Variants in ZNF385D observed in about 807,000 individuals in gnomAD.
The protein encoded by ZNF385D is zinc finger protein 385D.
Under a neutral mutation model 35.8 loss-of-function variants are expected in ZNF385D, and 15 were observed. That is an observed-to-expected ratio of 0.42 (90% confidence interval 0.28 to 0.64). The LOEUF (loss-of-function observed/expected upper bound fraction) is 0.64. Ranked by LOEUF, ZNF385D falls within the 30% of genes least tolerant of loss-of-function variation. The pLI, the probability that ZNF385D is intolerant of heterozygous loss-of-function variation, is 0.23. For synonymous variants in ZNF385D, 212 were observed against 186.8 expected, an observed-to-expected ratio of 1.13 and a Z score of -1.10; for missense variants, 474 against 494.6, an observed-to-expected ratio of 0.96 and a Z score of 0.39.
chr3:22,050,125 G>A (rs1699253737), intron 3 of ZNF385D, among the ~76,000 whole-genome samples: 1 of 151,976 alleles, frequency 6.6e-6, no homozygotes, highest in Admixed American at 6.6e-5. Flanking sequence ...CAACAATTTG[G>A]GAGACCAACG....
At chr3:21,636,779 A>G (rs2065463784) in intron 2 of ZNF385D, among the ~76,000 whole-genome samples, 1 of 151,918 alleles carries the variant, frequency 6.6e-6, no homozygotes, top group South Asian at 2.1e-4. Flanking sequence ...AATCCAATCA[A>G]GTTGACACTC....
Position 21,425,642 on chromosome 3 carries a change from G to T in ZNF385D, c.702C>A (p.Ala234=), listed in dbSNP as rs750610082. ...SGTKHKTMLE[A]RNGSGTIKAF... ...CTTTGATAGTGCCACTTCCATTCCG[G>T]GCTTCTAACATGGTTTTGTGCTTAG... Residue 234 remains alanine, a synonymous_variant, in exon 6 of 8, where the codon GCC becomes GCA. Coordinates refer to ENST00000281523, the MANE Select transcript of ZNF385D (RefSeq NM_024697.3). 1.9e-6 allele frequency: 3 copies of T among 1,594,986 alleles called. No homozygotes were observed. The African/African-American group carries it at 4.1e-5, about 22-fold the overall frequency.
chr3:22,056,701 C>T (rs1297107921), intron 3 of ZNF385D, among the ~76,000 whole-genome samples: 2 of 152,166 alleles, frequency 1.3e-5, no homozygotes, highest in Non-Finnish European at 2.9e-5. Context: ...TGCTGTGTAA[C>T]AATCCACAGA....
At chr3:22,281,237 T>A (rs909553999) in intron 2 of ZNF385D, among the ~76,000 whole-genome samples, 1 of 152,102 alleles carries the variant, frequency 6.6e-6, no homozygotes, top group Admixed American at 6.6e-5. Flanking sequence ...TTCTTTCTCT[T>A]GTCTGACTGC....
At chr3:21,751,303 A>C, upstream of ZNF385D, 1 of 1,074,524 alleles carries the variant, frequency 9.3e-7, no homozygotes, top group African/African-American at 1.7e-5. Flanking sequence ...GCCTGGACCA[A>C]CCATGGCTCT....
chr3:22,292,842 G>C lies in ZNF385D; in HGVS notation c.106+79608C>G, dbSNP rs548043647. ...GCAAAATTCTATAGTGACAGAAAAA[G>C]AGAGAGAGAATTTTAAGCAGCAGCT... is the stretch of plus-strand genomic sequence containing the variant. On this transcript the variant is annotated intron_variant, in intron 2 of 5. Transcript: ENST00000494108. Among the ~76,000 whole-genome samples, 93 of 152,198 alleles carry C rather than the reference G, an allele frequency of 6.1e-4. 1 individual carries two copies. Among genetic ancestry groups the C allele is most frequent in the African/African-American group, 2.2e-3 (91 of 41,544 alleles).
At chr3:21,826,278 G>A (rs1055021416) in intron 3 of ZNF385D, among the ~76,000 whole-genome samples, 1 of 152,192 alleles carries the variant, frequency 6.6e-6, no homozygotes, top group Non-Finnish European at 1.5e-5. Context: ...ACGTAGGAGA[G>A]AACAACGTTT....
At chr3:21,613,452 T>C (rs765644187) in intron 2 of ZNF385D, among the ~76,000 whole-genome samples, 1 of 151,502 alleles carries the variant, frequency 6.6e-6, no homozygotes, top group Non-Finnish European at 1.5e-5. Context: ...GGGTCCTCCC[T>C]GGGTTTTTAG....
rs905643256 is a variant in ZNF385D, at chr3:21,711,416, A to G, written c.22+39479T>C. On this transcript the variant is annotated intron_variant, in intron 1 of 7. Coordinates refer to ENST00000281523, the MANE Select transcript of ZNF385D (RefSeq NM_024697.3). ...TTTCAAAATTTCTAATATTCTATTA[A>G]TAAGTTTGTAAAGATTGGAGAAATC... is the stretch of plus-strand genomic sequence containing the variant. Among the ~76,000 whole-genome samples, 7 of 152,224 alleles carry G rather than the reference A, an allele frequency of 4.6e-5. 1 individual carries two copies. In the South Asian group the frequency reaches 8.3e-4, roughly 18 times the overall value.
chr3:22,126,781 T>C (rs1437666470), intron 3 of ZNF385D, among the ~76,000 whole-genome samples: 1 of 152,168 alleles, frequency 6.6e-6, no homozygotes, highest in Non-Finnish European at 1.5e-5. Context: ...AAGTGGAATG[T>C]TGAAGTTTCC....
At chr3:22,083,142 G>A (rs1700844319) in intron 3 of ZNF385D, among the ~76,000 whole-genome samples, 1 of 152,072 alleles carries the variant, frequency 6.6e-6, no homozygotes, top group Non-Finnish European at 1.5e-5. Context: ...CAGAAAATCT[G>A]AAAATTCTAA....
intron 3 of ZNF385D, among the ~76,000 whole-genome samples, chr3:21,865,567 A>T (rs1272223161): frequency 6.6e-6 from 1 of 152,128 alleles, no homozygotes; most frequent in African/African-American, 2.4e-5. Context: ...GAATATTACA[A>T]AATAAATTTC....
intron 1 of ZNF385D, 107 bp downstream of exon 1, chr3:21,750,788 G>T: frequency 7.1e-7 from 1 of 1,413,122 alleles, no homozygotes; most frequent in Non-Finnish European, 9.9e-7. Flanking sequence ...ACTGGAGGTA[G>T]GTTTAATGTA....
At chr3:22,331,852 A>C (rs1444894124) in intron 2 of ZNF385D, among the ~76,000 whole-genome samples, 1 of 152,222 alleles carries the variant, frequency 6.6e-6, no homozygotes, top group Non-Finnish European at 1.5e-5. Flanking sequence ...CAAAACTGAC[A>C]TCATTTGAGT....
chr3:21,684,086 T>C (rs2067004000), intron 1 of ZNF385D, among the ~76,000 whole-genome samples: 1 of 149,758 alleles, frequency 6.7e-6, no homozygotes, highest in Non-Finnish European at 1.5e-5. Flanking sequence ...GTGAGTGTGG[T>C]ATATGTCCCA....
At chr3:21,648,968 C>G (rs1315454986) in intron 2 of ZNF385D, among the ~76,000 whole-genome samples, 1 of 152,114 alleles carries the variant, frequency 6.6e-6, no homozygotes, top group Non-Finnish European at 1.5e-5. Flanking sequence ...GACCAAGTAA[C>G]TTTCCCTACA....
At chr3:22,206,027 T>C (rs1697128230) in intron 2 of ZNF385D, among the ~76,000 whole-genome samples, 2 of 151,610 alleles carry the variant, frequency 1.3e-5, no homozygotes, top group African/African-American at 4.8e-5. Flanking sequence ...ATCAAAATGG[T>C]TTATAGAAAC....
intron 3 of ZNF385D, among the ~76,000 whole-genome samples, chr3:22,079,425 A>G (rs1049912365): frequency 6.6e-6 from 1 of 151,994 alleles, no homozygotes; most frequent in Non-Finnish European, 1.5e-5. Flanking sequence ...TCTGTTGAAG[A>G]TCTTTTCTAT....
chr3:21,683,324 C>T (rs943906029), intron 1 of ZNF385D, among the ~76,000 whole-genome samples: 1 of 149,580 alleles, frequency 6.7e-6, no homozygotes, highest in African/African-American at 2.5e-5. Flanking sequence ...GGTTATGCGA[C>T]GTGATACAGT....
Sources: gnomAD v4.1 joint callset for allele counts (sites outside exome capture counted in the v4.1 genomes callset) on GRCh38, gnomAD v4.1.1 for gene constraint, MANE v1.5 for transcripts, NCBI Gene and HGNC (gene_info 2026-07-23, HGNC 2026-07-21) for gene names.